Variants in ELP4 observed in about 807,000 individuals in gnomAD.
The protein encoded by ELP4 is elongator acetyltransferase complex subunit 4.
A neutral mutation model predicts 48.9 loss-of-function variants in ELP4; 51 were observed. That is an observed-to-expected ratio of 1.04 (90% confidence interval 0.83 to 1.32). The LOEUF is 1.32. ELP4 is among the 40% of genes most tolerant of loss of function. The probability of loss-of-function intolerance (pLI) is 0.00; values close to 1 mark genes in which losing one functional copy is unlikely to be tolerated. For missense variants in ELP4, 519 were observed against 514.6 expected, an observed-to-expected ratio of 1.01 and a Z score of -0.08; for synonymous variants, 210 against 189.2, an observed-to-expected ratio of 1.11 and a Z score of -0.90.
At chr11:31,645,244 C>T (rs889321737) in intron 7 of ELP4, among the ~76,000 whole-genome samples, 2 of 151,680 alleles carry the variant, frequency 1.3e-5, no homozygotes, top group Non-Finnish European at 3.0e-5. Context: ...GAAATCTAGG[C>T]TGTGCATATT....
chr11:31,786,316 G>A lies in ELP4; in HGVS notation c.*2792G>A, dbSNP rs924070886. ...CATTATTAATGTCATTTCTAAGACA[G>A]CATGTTACTGCTTTCCAAAGATAGT... On this transcript the variant is annotated 3_prime_UTR_variant, in exon 10 of 10. Transcript: ENST00000640961. 1.1e-4 allele frequency: 23 copies of A among 210,164 alleles called. No homozygotes were observed. Among genetic ancestry groups the A allele is most frequent in the Admixed American group, 4.1e-4 (7 of 16,996 alleles). 13.0% of individuals were successfully genotyped at this position (210,164 alleles called of 1,614,324 possible). A position where few individuals can be genotyped will look rare whatever the true frequency, so the allele number is the denominator to read the frequency against.
intron 5 of ELP4, among the ~76,000 whole-genome samples, chr11:31,613,690 T>C (rs1283596088): frequency 6.6e-6 from 1 of 151,632 alleles, no homozygotes; most frequent in East Asian, 1.9e-4. Context: ...GTTTTATACG[T>C]TTGAATTTTT....
At chr11:31,716,583 G>A (rs774450640) in intron 9 of ELP4, among the ~76,000 whole-genome samples, 4 of 152,194 alleles carry the variant, frequency 2.6e-5, no homozygotes, top group Non-Finnish European at 5.9e-5. Flanking sequence ...GCCCATCAGT[G>A]ATCCATTGTA....
At chr11:31,586,205 T>C (rs1957470334) in intron 3 of ELP4, among the ~76,000 whole-genome samples, 1 of 152,316 alleles carries the variant, frequency 6.6e-6, no homozygotes, top group Middle Eastern at 3.4e-3. Flanking sequence ...CAATAAATTG[T>C]TTACTGCGTG....
At chr11:31,515,119 A>C (rs1258039249) in intron 1 of ELP4, among the ~76,000 whole-genome samples, 1 of 151,352 alleles carries the variant, frequency 6.6e-6, no homozygotes, top group Non-Finnish European at 1.5e-5. Flanking sequence ...TAAAAGCTTT[A>C]GTTAATAAGT....
At chr11:31,620,632 G>C (rs1944601018) in intron 5 of ELP4, among the ~76,000 whole-genome samples, 2 of 152,018 alleles carry the variant, frequency 1.3e-5, no homozygotes, top group East Asian at 1.9e-4. Flanking sequence ...GAGTTGGGTA[G>C]ATGACAGCAA....
At chr11:31,756,190 T>C (rs1947829142) in intron 9 of ELP4, among the ~76,000 whole-genome samples, 1 of 152,178 alleles carries the variant, frequency 6.6e-6, no homozygotes, top group Non-Finnish European at 1.5e-5. Flanking sequence ...GCTTCCAGTG[T>C]TGCCCAGCCT....
chr11:31,567,467 T>G (rs1957131481), intron 3 of ELP4, among the ~76,000 whole-genome samples: 1 of 152,122 alleles, frequency 6.6e-6, no homozygotes. Flanking sequence ...AACAAGCAAG[T>G]TTTTGCATAT....
intron 9 of ELP4, among the ~76,000 whole-genome samples, chr11:31,745,107 G>A (rs1947553283): frequency 6.6e-6 from 1 of 152,110 alleles, no homozygotes. Context: ...CAGACAAACA[G>A]AGAGCCAAAT....
chr11:31,767,010 T>C (rs1235605111), intron 9 of ELP4, among the ~76,000 whole-genome samples: 1 of 152,134 alleles, frequency 6.6e-6, no homozygotes, highest in African/African-American at 2.4e-5. Context: ...ATGAAAAAAA[T>C]CATGCTTTCT....
chr11:31,778,148 T>C (rs1358294124), intron 9 of ELP4, among the ~76,000 whole-genome samples: 1 of 152,200 alleles, frequency 6.6e-6, no homozygotes, highest in African/African-American at 2.4e-5. Context: ...ATGTGCAAAA[T>C]ACAGGTTTTA....
At chr11:31,603,936 A>G (rs946390487) in intron 5 of ELP4, 29 bp downstream of exon 5, 14 of 1,591,758 alleles carry the variant, frequency 8.8e-6, no homozygotes, top group Non-Finnish European at 1.2e-5. Context: ...TAATAACAAA[A>G]TCTGATTTCA....
At chr11:31,660,151 T>G (rs1945524755) in intron 9 of ELP4, among the ~76,000 whole-genome samples, 1 of 152,180 alleles carries the variant, frequency 6.6e-6, no homozygotes, top group Non-Finnish European at 1.5e-5. Context: ...TGATCAATAG[T>G]TATTTAAAAG....
In ELP4 at chr11:31,716,609, A is replaced by T. The variant is rs1257076548; in HGVS notation, c.1143+66388A>T. 3.3e-5 allele frequency among the ~76,000 whole-genome samples: 5 copies of T among 152,228 alleles called. No individual in the cohort carries two copies. In the East Asian group the frequency reaches 9.6e-4, roughly 29 times the overall value. ...ATCCATTGTAGTTGACAGTGATAGT[A>T]AGAAATAATACATGTAGTTTCAGTT... On this transcript the variant is annotated intron_variant, in intron 9 of 9. Transcript: ENST00000640961.
chr11:31,672,354 T>A (rs572820265), intron 9 of ELP4, among the ~76,000 whole-genome samples: 3 of 152,110 alleles, frequency 2.0e-5, no homozygotes, highest in Non-Finnish European at 2.9e-5. Flanking sequence ...AAAAATGGAG[T>A]GGTCATTTAG....
chr11:31,684,630 T>C (rs899307486), intron 9 of ELP4, among the ~76,000 whole-genome samples: 1 of 152,162 alleles, frequency 6.6e-6, no homozygotes, highest in African/African-American at 2.4e-5. Flanking sequence ...AACAGACCCA[T>C]ACGTATATGA....
intron 5 of ELP4, among the ~76,000 whole-genome samples, chr11:31,607,843 A>G (rs1957902875): frequency 6.6e-6 from 1 of 152,098 alleles, no homozygotes. Context: ...TTCTGTGAGA[A>G]CCGCTCGGTC....
intron 9 of ELP4, among the ~76,000 whole-genome samples, chr11:31,683,253 A>T (rs1390339656): frequency 6.6e-6 from 1 of 151,848 alleles, no homozygotes; most frequent in East Asian, 1.9e-4. Context: ...TTGCTGTGCA[A>T]CTCTTTAGGA....
chr11:31,744,284 T>A (rs891764164), intron 9 of ELP4, among the ~76,000 whole-genome samples: 2 of 152,158 alleles, frequency 1.3e-5, no homozygotes, highest in East Asian at 3.9e-4. Flanking sequence ...CAGGATCAGA[T>A]GGATTCACAG....
Sources: allele counts gnomAD v4.1 joint callset (sites outside exome capture counted in the v4.1 genomes callset), GRCh38; gene constraint gnomAD v4.1.1; transcripts MANE v1.5; gene names NCBI Gene and HGNC (gene_info 2026-07-23, HGNC 2026-07-21).